RABEP1: variants seen among roughly 807,000 people sequenced by gnomAD.
RABEP1 encodes rab GTPase-binding effector protein 1.
RABEP1 carries 51 observed loss-of-function variants against 123.4 expected under a neutral mutation model. That is an observed-to-expected ratio of 0.41 (90% CI 0.33 to 0.52). The LOEUF (loss-of-function observed/expected upper bound fraction) is 0.52. Among genes scored for constraint, RABEP1 ranks in the 20% least tolerant of loss-of-function variants. The probability of loss-of-function intolerance (pLI) is 0.16; values close to 1 mark genes in which losing one functional copy is unlikely to be tolerated. For synonymous variants in RABEP1, 347 were observed against 355.2 expected (o/e 0.98, Z 0.26); for missense variants, 888 against 996.3 (o/e 0.89, Z 1.46).
chr17:5,282,453 C>A lies in RABEP1; in HGVS notation c.-34C>A. ...GGGAGCCCAGGACGCCGCTTCCCCG[C>A]CCATCCCCGCTCCCCGAGGCCGGCC... On this transcript the variant is annotated 5_prime_UTR_variant, in exon 1 of 18. Transcript: ENST00000537505. 7.4e-7 allele frequency: 1 copy of A among 1,346,234 alleles called. No individual in the cohort carries two copies. Among genetic ancestry groups the A allele is most frequent in the South Asian group, 1.7e-5 (1 of 57,368 alleles). 83.4% of individuals were successfully genotyped at this position (1,346,234 alleles called of 1,614,324 possible).
chr17:5,308,831 A>AT lies in RABEP1; in HGVS notation c.163+10dup. On this transcript the variant is annotated intron_variant, in intron 2 of 17. Coordinates refer to ENST00000537505, the MANE Select transcript of RABEP1 (RefSeq NM_004703.6). Reference sequence around the variant, plus strand: ...ATATTTGGCTAAAGAGGGTAAGTTCATAAGTCTCGCACCAACTTCAATGCG... The same window carrying AT: ...ATATTTGGCTAAAGAGGGTAAGTTCATTAAGTCTCGCACCAACTTCAATGCG... The AT allele has an allele frequency of 6.2e-7, 1 of 1,601,768 alleles. No homozygotes were observed. The highest frequency in any genetic ancestry group is 8.5e-7 in the Non-Finnish European group (1 of 1,172,956).
At chr17:5,308,156 G>A (rs1597339834) in intron 1 of RABEP1, among the ~76,000 whole-genome samples, 1 of 151,742 alleles carries the variant, frequency 6.6e-6, no homozygotes, top group South Asian at 2.1e-4. Context: ...GGCCTTATGT[G>A]ATTCTCTGTA....
chr17:5,329,019 C>CTTTTT (rs760060600), intron 2 of RABEP1, among the ~76,000 whole-genome samples: 35 of 110,652 alleles, frequency 3.2e-4, no homozygotes, highest in African/African-American at 6.6e-4. Context: ...TTCAGAAAGA[C>CTTTTT]TTTTTTTTTT....
intron 17 of RABEP1, among the ~76,000 whole-genome samples, chr17:5,382,813 G>A (rs1049010480): frequency 3.9e-5 from 6 of 151,948 alleles, no homozygotes; most frequent in Non-Finnish European, 5.9e-5. Flanking sequence ...TCAGCTACTC[G>A]GGAGGCTGAG....
At position 5,323,839 on chromosome 17, in the gene RABEP1, A is replaced by AATATGTATATATATCTAGGAATAT. The variant is rs1597355705; in HGVS notation, c.164-8106_164-8105insGTATATATATCTAGGAATATATAT. Among the ~76,000 whole-genome samples the AATATGTATATATATCTAGGAATAT allele has an allele frequency of 2.3e-4, 16 of 70,226 alleles. 2 individuals carry two copies. The East Asian group carries it at 6.4e-3, about 28-fold the overall frequency. The allele number at this position is 70,226 out of a possible 152,430, so 46.1% of individuals were successfully genotyped here. On this transcript the variant is annotated intron_variant, in intron 2 of 17. Coordinates refer to ENST00000537505, the MANE Select transcript of RABEP1 (RefSeq NM_004703.6). ...CTAGGAATATATATATATATCTAGG[A>AATATGTATATATATCTAGGAATAT]ATATATATATATATCTAGGAATATA... is the stretch of plus-strand genomic sequence containing the variant.
chr17:5,347,350 C>T (rs149471287), intron 6 of RABEP1, among the ~76,000 whole-genome samples: 1,965 of 152,238 alleles, frequency 0.013, 41 homozygotes, highest in African/African-American at 0.043. Context: ...GCAGAGGTTG[C>T]GGTGAGCCAA....
intron 12 of RABEP1, among the ~76,000 whole-genome samples, chr17:5,371,059 C>G (rs1033814067): frequency 6.6e-6 from 1 of 152,004 alleles, no homozygotes; most frequent in African/African-American, 2.4e-5. Flanking sequence ...CTCCGCCTCC[C>G]GGGCTCACGC....
chr17:5,282,382 C>T lies in RABEP1; in HGVS notation c.-105C>T. ...GCCTTAGCGGTTTCTCTCTGGGCGGCGGCGGCGGCGGCTCGGTTGACGCCT... is the reference window on the plus strand; with the variant it reads ...GCCTTAGCGGTTTCTCTCTGGGCGGTGGCGGCGGCGGCTCGGTTGACGCCT... On this transcript the variant is annotated 5_prime_UTR_variant, in exon 1 of 18. Coordinates refer to ENST00000537505, the MANE Select transcript of RABEP1 (RefSeq NM_004703.6). 3 of 926,606 alleles carry T rather than the reference C, an allele frequency of 3.2e-6. No homozygotes were observed. The highest frequency in any genetic ancestry group is 4.4e-6 in the Non-Finnish European group (3 of 689,242). 57.4% of individuals were successfully genotyped at this position (926,606 alleles called of 1,614,324 possible).
intron 12 of RABEP1, among the ~76,000 whole-genome samples, chr17:5,370,639 C>T (rs1237037674): frequency 1.3e-5 from 2 of 152,178 alleles, no homozygotes; most frequent in Non-Finnish European, 2.9e-5. Context: ...TCAGGTTAGA[C>T]ATCTTGGCAA....
intron 6 of RABEP1, among the ~76,000 whole-genome samples, chr17:5,348,199 G>T (rs1908235213): frequency 1.3e-5 from 2 of 152,186 alleles, no homozygotes; most frequent in Admixed American, 1.3e-4. Flanking sequence ...GGCTGGTCTT[G>T]AACTCCTGAC....
chr17:5,367,344 T>C (rs1324458718), intron 11 of RABEP1, among the ~76,000 whole-genome samples: 1 of 151,778 alleles, frequency 6.6e-6, no homozygotes, highest in Non-Finnish European at 1.5e-5. Context: ...CGATCTTGGC[T>C]CACTGCAACG....
At position 5,368,408 on chromosome 17, in the gene RABEP1, C is replaced by T; in HGVS notation, c.1824C>T (p.Ile608=). ...ALVLRAQASE[I]LLEELQQGLS... ...TCCTAAGAGCCCAGGCCTCCGAGAT[C>T]TTACTTGAAGAGTTACAGCAGGGGC... The change falls in exon 12 of 18, where the codon ATC becomes ATT. Residue 608 remains isoleucine, a synonymous_variant. Transcript: ENST00000537505. 6.2e-7 allele frequency: 1 copy of T among 1,613,960 alleles called. No homozygotes were observed. Among genetic ancestry groups the T allele is most frequent in the South Asian group, 1.1e-5 (1 of 91,068 alleles).
chr17:5,382,966 G>A (rs1911618357), intron 17 of RABEP1, among the ~76,000 whole-genome samples, 156 bp from the exon 18 acceptor site: 2 of 152,118 alleles, frequency 1.3e-5, no homozygotes, highest in Non-Finnish European at 2.9e-5. Context: ...GGTAGCTTTG[G>A]GGAATTATTT....
At chr17:5,310,163 T>G (rs1234960105) in intron 2 of RABEP1, among the ~76,000 whole-genome samples, 1 of 152,198 alleles carries the variant, frequency 6.6e-6, no homozygotes, top group Non-Finnish European at 1.5e-5. Context: ...CTTTTTTAAC[T>G]TATGAACTCT....
intron 1 of RABEP1, among the ~76,000 whole-genome samples, chr17:5,290,795 C>G (rs1308051490): frequency 6.6e-6 from 1 of 152,056 alleles, no homozygotes; most frequent in Non-Finnish European, 1.5e-5. Flanking sequence ...TGGGTTTCAA[C>G]ATGTTGCCCA....
chr17:5,337,108 A>T lies in RABEP1; in HGVS notation c.529-911A>T, dbSNP rs561947046. Among the ~76,000 whole-genome samples, 49 of 152,314 alleles carry T rather than the reference A, an allele frequency of 3.2e-4. No individual in the cohort carries two copies. The East Asian group carries it at 8.9e-3, about 28-fold the overall frequency. On this transcript the variant is annotated intron_variant, in intron 4 of 17. Coordinates refer to ENST00000537505, the MANE Select transcript of RABEP1 (RefSeq NM_004703.6). Reference sequence around the variant, plus strand: ...CATTTTCTCACCAGTTTACTAGTTTATGTAAGTTGGTTCCTTTTAATCCAT... The same window carrying T: ...CATTTTCTCACCAGTTTACTAGTTTTTGTAAGTTGGTTCCTTTTAATCCAT...
In RABEP1 at chr17:5,383,713, G is replaced by T; in HGVS notation, c.*490G>T. 1 of 229,978 alleles carries T rather than the reference G, an allele frequency of 4.3e-6. No individual in the cohort carries two copies. Among genetic ancestry groups the T allele is most frequent in the Non-Finnish European group, 8.6e-6 (1 of 116,102 alleles). The allele number at this position is 229,978 out of a possible 1,614,324, so 14.2% of individuals were successfully genotyped here. On this transcript the variant is annotated 3_prime_UTR_variant, in exon 18 of 18. Coordinates refer to ENST00000537505, the MANE Select transcript of RABEP1 (RefSeq NM_004703.6). The stretch of plus-strand genomic sequence containing the variant: ...TTTATATTAAAATATGAAGGTTTGA[G>T]AGCAGGCCATTGGCTACTGACTGTA...
intron 12 of RABEP1, among the ~76,000 whole-genome samples, chr17:5,369,789 C>T (rs890966007): frequency 1.3e-5 from 2 of 152,050 alleles, no homozygotes; most frequent in East Asian, 1.9e-4. Flanking sequence ...CAACCTCCTC[C>T]TCCTGGGTTC....
chr17:5,294,316 G>T (rs1426279051), intron 1 of RABEP1, among the ~76,000 whole-genome samples: 1 of 152,046 alleles, frequency 6.6e-6, no homozygotes, highest in African/African-American at 2.4e-5. Context: ...CCCGGGAGGC[G>T]GAGGTTGCAG....
Sources: gnomAD v4.1 joint callset for allele counts (sites outside exome capture counted in the v4.1 genomes callset) on GRCh38, gnomAD v4.1.1 for gene constraint, MANE v1.5 for transcripts, NCBI Gene and HGNC (gene_info 2026-07-23, HGNC 2026-07-21) for gene names.